The following GMDS variants were observed in gnomAD, a reference collection of about 807,000 sequenced individuals.
The protein encoded by GMDS is GDP-mannose 4,6 dehydratase.
In GMDS, 20 loss-of-function variants were observed where a neutral mutation model predicts 49.9. The ratio of observed to expected loss-of-function variants is 0.40; its 90% CI spans 0.28 to 0.58. GMDS has a LOEUF of 0.58. Among genes scored for constraint, GMDS ranks in the 20% least tolerant of loss-of-function variants. The pLI, the probability that GMDS is intolerant of heterozygous loss-of-function variation, is 0.42. For missense variants in GMDS, 362 were observed against 481.4 expected (o/e 0.75, Z 2.32); for synonymous variants, 177 against 178.6 (o/e 0.99, Z 0.07).
chr6:2,113,089 C>T (rs557509638), intron 4 of GMDS, among the ~76,000 whole-genome samples: 16 of 152,122 alleles, frequency 1.1e-4, no homozygotes, highest in East Asian at 1.9e-4. Context: ...CTTCAAGTAA[C>T]GCCAGTAAAA....
At chr6:2,019,179 C>T (rs1448370661) in intron 4 of GMDS, among the ~76,000 whole-genome samples, 1 of 150,808 alleles carries the variant, frequency 6.6e-6, no homozygotes, top group Non-Finnish European at 1.5e-5. Context: ...GCTGAATTAT[C>T]AGCTGAAATA....
chr6:1,994,524 T>C (rs1766154149), intron 4 of GMDS, among the ~76,000 whole-genome samples: 1 of 152,118 alleles, frequency 6.6e-6, no homozygotes, highest in African/African-American at 2.4e-5. Flanking sequence ...GTGCTGAGTT[T>C]GGGAACAGAA....
intron 4 of GMDS, among the ~76,000 whole-genome samples, chr6:2,038,009 G>C (rs1409703624): frequency 6.6e-6 from 1 of 152,092 alleles, no homozygotes; most frequent in Admixed American, 6.6e-5. Flanking sequence ...TACCTGCCTT[G>C]GTACACCATA....
intron 4 of GMDS, among the ~76,000 whole-genome samples, chr6:2,037,582 C>G (rs1034120665): frequency 6.6e-6 from 1 of 152,182 alleles, no homozygotes; most frequent in Non-Finnish European, 1.5e-5. Flanking sequence ...GAACAAGAAA[C>G]CAAACATCGG....
chr6:1,754,102 T>G (rs529817358), intron 7 of GMDS, among the ~76,000 whole-genome samples: 1 of 152,240 alleles, frequency 6.6e-6, no homozygotes, highest in Admixed American at 6.5e-5. Flanking sequence ...AGGAGCTGGT[T>G]TTTTGAAAAG....
At chr6:1,627,010 C>T (rs1378439121) in intron 9 of GMDS, among the ~76,000 whole-genome samples, 2 of 152,218 alleles carry the variant, frequency 1.3e-5, no homozygotes, top group Non-Finnish European at 2.9e-5. Flanking sequence ...AACCTTCTGC[C>T]AAGGCTCTGT....
At chr6:2,220,395 C>G (rs568746282) in intron 1 of GMDS, among the ~76,000 whole-genome samples, 6 of 152,252 alleles carry the variant, frequency 3.9e-5, no homozygotes, top group Admixed American at 2.6e-4. Flanking sequence ...GCTTGGTTAC[C>G]CTGACACTTA....
intron 4 of GMDS, among the ~76,000 whole-genome samples, chr6:1,997,890 C>G (rs1766393621): frequency 6.6e-6 from 1 of 152,126 alleles, no homozygotes; most frequent in Non-Finnish European, 1.5e-5. Flanking sequence ...GGGATAGGAG[C>G]CAAGCTGAGT....
chr6:1,657,187 A>G (rs1763910727), intron 9 of GMDS, among the ~76,000 whole-genome samples: 1 of 152,230 alleles, frequency 6.6e-6, no homozygotes, highest in Non-Finnish European at 1.5e-5. Context: ...GACTACTGAC[A>G]AGCATGAAGT....
At chr6:2,001,820 C>G (rs1766835232) in intron 4 of GMDS, among the ~76,000 whole-genome samples, 1 of 152,108 alleles carries the variant, frequency 6.6e-6, no homozygotes, top group Non-Finnish European at 1.5e-5. Flanking sequence ...GGTGCACGGA[C>G]AACTGGAGAG....
intron 6 of GMDS, among the ~76,000 whole-genome samples, chr6:1,935,526 T>C (rs1762485515): frequency 6.6e-6 from 1 of 152,222 alleles, no homozygotes; most frequent in Non-Finnish European, 1.5e-5. Flanking sequence ...AGTTCTTTTA[T>C]TAATAGATGA....
At chr6:2,169,059 T>C (rs771887962) in intron 1 of GMDS, among the ~76,000 whole-genome samples, 13 of 152,202 alleles carry the variant, frequency 8.5e-5, no homozygotes, top group Non-Finnish European at 1.6e-4. Flanking sequence ...GACTTTATTT[T>C]AGACTCCACA....
chr6:2,078,683 G>A (rs749583547), intron 4 of GMDS, among the ~76,000 whole-genome samples: 37 of 152,164 alleles, frequency 2.4e-4, no homozygotes, highest in Non-Finnish European at 4.6e-4. Context: ...TGGCCTAACA[G>A]TCTATTCTGG....
At chr6:1,676,983 T>C (rs1454981743) in intron 9 of GMDS, among the ~76,000 whole-genome samples, 1 of 151,766 alleles carries the variant, frequency 6.6e-6, no homozygotes, top group Non-Finnish European at 1.5e-5. Context: ...ACTAACAGAG[T>C]GAACAGGCAA....
chr6:1,858,003 T>G (rs538003202), intron 7 of GMDS, among the ~76,000 whole-genome samples: 6 of 152,306 alleles, frequency 3.9e-5, no homozygotes, highest in African/African-American at 1.4e-4. Context: ...AGCGCATATA[T>G]TTATGAAGAT....
At chr6:1,796,876 C>T (rs945039754) in intron 7 of GMDS, among the ~76,000 whole-genome samples, 2 of 152,208 alleles carry the variant, frequency 1.3e-5, no homozygotes, top group African/African-American at 2.4e-5. Context: ...CATTCCCTTA[C>T]AGTAAGTCAG....
chr6:1,961,209 G>A (rs780573362), intron 4 of GMDS, among the ~76,000 whole-genome samples: 25 of 152,138 alleles, frequency 1.6e-4, no homozygotes, highest in Non-Finnish European at 3.2e-4. Context: ...TCTACTACTC[G>A]TAATTCTAGG....
chr6:1,858,237 G>C (rs1300167616), intron 7 of GMDS, among the ~76,000 whole-genome samples: 1 of 152,112 alleles, frequency 6.6e-6, no homozygotes. Context: ...AAAGTGCTTA[G>C]ACGTTACCCC....
chr6:2,003,733 G>C (rs561917519), intron 4 of GMDS, among the ~76,000 whole-genome samples: 1 of 152,236 alleles, frequency 6.6e-6, no homozygotes, highest in East Asian at 1.9e-4. Context: ...TGTGCAATAA[G>C]GAAGGATAAA....
Sources: gnomAD v4.1 joint callset for allele counts (sites outside exome capture counted in the v4.1 genomes callset) on GRCh38, gnomAD v4.1.1 for gene constraint, MANE v1.5 for transcripts, NCBI Gene and HGNC (gene_info 2026-07-23, HGNC 2026-07-21) for gene names.